Variants in PALLD observed in about 807,000 individuals in gnomAD.
PALLD encodes palladin, cytoskeletal associated protein.
A neutral mutation model predicts 123.5 loss-of-function variants in PALLD; 61 were observed. The ratio of observed to expected loss-of-function variants is 0.49; its 90% CI spans 0.40 to 0.61. The LOEUF is 0.61. Among genes scored for constraint, PALLD ranks in the 20% least tolerant of loss-of-function variants. The probability of loss-of-function intolerance (pLI) is 0.00; values close to 1 mark genes in which losing one functional copy is unlikely to be tolerated. For synonymous variants in PALLD, 465 were observed against 496.4 expected, an observed-to-expected ratio of 0.94 and a Z score of 0.84; for missense variants, 1,273 against 1,377.0, an observed-to-expected ratio of 0.92 and a Z score of 1.20.
intron 10 of PALLD, among the ~76,000 whole-genome samples, chr4:168,800,713 C>T (rs1044893872): frequency 1.3e-5 from 2 of 152,096 alleles, no homozygotes; most frequent in Non-Finnish European, 2.9e-5. Context: ...ATTTGATAAA[C>T]TCAAAGTTAT....
chr4:168,808,279 G>C (rs938334160), intron 10 of PALLD, among the ~76,000 whole-genome samples: 7 of 151,688 alleles, frequency 4.6e-5, no homozygotes, highest in African/African-American at 1.7e-4. Flanking sequence ...AGGAGATCGA[G>C]ACCATCCTGG....
intron 10 of PALLD, among the ~76,000 whole-genome samples, chr4:168,852,102 C>A (rs1016022022): frequency 3.9e-5 from 6 of 152,172 alleles, no homozygotes; most frequent in Admixed American, 3.9e-4. Context: ...CGTAGCACAC[C>A]CCTTGCCCCA....
chr4:168,786,276 C>T (rs950422569), intron 10 of PALLD, among the ~76,000 whole-genome samples: 4 of 151,908 alleles, frequency 2.6e-5, no homozygotes, highest in Admixed American at 2.0e-4. Flanking sequence ...TGCAGTGAGC[C>T]GAGATCGCAC....
chr4:168,684,989 G>C (rs1330542338), intron 5 of PALLD, among the ~76,000 whole-genome samples: 4 of 151,838 alleles, frequency 2.6e-5, no homozygotes, highest in African/African-American at 9.7e-5. Context: ...TTTCTTTTTT[G>C]CACGTCAATA....
chr4:168,720,888 C>T (rs1785945121), intron 10 of PALLD, among the ~76,000 whole-genome samples: 1 of 152,134 alleles, frequency 6.6e-6, no homozygotes, highest in African/African-American at 2.4e-5. Flanking sequence ...TAGGTGCATT[C>T]ATCCTCATGA....
chr4:168,751,637 C>T (rs17054512), intron 10 of PALLD, among the ~76,000 whole-genome samples: 3,700 of 152,266 alleles, frequency 0.024, 97 homozygotes, highest in South Asian at 0.14. Context: ...CATTTCTTAA[C>T]ACAGTTCACA....
At chr4:168,852,048 C>T (rs552867223) in intron 10 of PALLD, among the ~76,000 whole-genome samples, 24 of 152,230 alleles carry the variant, frequency 1.6e-4, no homozygotes, top group African/African-American at 5.1e-4. Context: ...GAGTTGGAGA[C>T]GTAGACACTA....
At chr4:168,523,209 C>A (rs571727181) in intron 2 of PALLD, among the ~76,000 whole-genome samples, 2 of 89,942 alleles carry the variant, frequency 2.2e-5, no homozygotes, top group Non-Finnish European at 3.8e-5. Flanking sequence ...TCTTTGAGAA[C>A]GAGAAGAAAG....
At chr4:168,602,933 TAA>T (rs57326647) in intron 2 of PALLD, among the ~76,000 whole-genome samples, 160 of 148,698 alleles carry the variant, frequency 1.1e-3, no homozygotes, top group East Asian at 9.7e-3. Context: ...CCCAGCTAAT[TAA>T]AAAAAAAAAA....
At chr4:168,687,938 A>AGAAGCTCAGAGCCACTG (rs1037715391) in intron 6 of PALLD, among the ~76,000 whole-genome samples, 19 of 152,034 alleles carry the variant, frequency 1.2e-4, no homozygotes, top group Non-Finnish European at 2.5e-4. Flanking sequence ...CAGAGCCACT[A>AGAAGCTCAGAGCCACTG]GAAGCTCAGA....
rs561109915 is a variant in PALLD, at chr4:168,556,428, T to TGAA, written c.908+44027_908+44029dup. ...ACCTTTTAAAATAGGGACCAGAAGT[T>TGAA]GAAGAAGAAGAAGTGAAGAAAAAGG... On this transcript the variant is annotated intron_variant, in intron 2 of 21. Transcript: ENST00000505667. Among the ~76,000 whole-genome samples, 42 of 152,234 alleles carry TGAA rather than the reference T, an allele frequency of 2.8e-4. 1 individual carries two copies. The South Asian group carries it at 5.6e-3, about 20-fold the overall frequency.
intron 10 of PALLD, among the ~76,000 whole-genome samples, chr4:168,795,963 A>G (rs1405939450): frequency 6.6e-6 from 1 of 152,160 alleles, no homozygotes; most frequent in East Asian, 1.9e-4. Flanking sequence ...GTTTTGATAC[A>G]GGCATGCAAT....
rs146562219 is a variant in PALLD at position 168,893,452 on chromosome 4, T to G, written c.2101-1127T>G. On this transcript the variant is annotated intron_variant, in intron 11 of 21. Transcript: ENST00000505667. ...TTCACTTCCCGGTTTCAGCTGGGATTGAGATCAGCAATTACTGGAAATTGT... is the reference window on the plus strand; with the variant it reads ...TTCACTTCCCGGTTTCAGCTGGGATGGAGATCAGCAATTACTGGAAATTGT... Among the ~76,000 whole-genome samples, 27 of 152,340 alleles carry G rather than the reference T, an allele frequency of 1.8e-4. No individual in the cohort carries two copies. The East Asian group carries it at 4.2e-3, about 24-fold the overall frequency.
At chr4:168,920,223 A>G (rs1001476232) in intron 17 of PALLD, among the ~76,000 whole-genome samples, 2 of 152,218 alleles carry the variant, frequency 1.3e-5, no homozygotes, top group African/African-American at 4.8e-5. Flanking sequence ...AGGAGAACAC[A>G]GAGCCTGAGT....
chr4:168,570,690 T>C (rs2149606901), intron 2 of PALLD, among the ~76,000 whole-genome samples: 1 of 152,272 alleles, frequency 6.6e-6, no homozygotes, highest in African/African-American at 2.4e-5. Flanking sequence ...CCAAAAGCAT[T>C]ATCCATTAAG....
intron 10 of PALLD, among the ~76,000 whole-genome samples, chr4:168,775,336 A>G (rs1287710666): frequency 1.3e-5 from 2 of 152,190 alleles, no homozygotes; most frequent in African/African-American, 2.4e-5. Flanking sequence ...CCATCTGTAT[A>G]TCTACCTTGG....
chr4:168,711,486 C>A, intron 9 of PALLD, 95 bp from the exon 10 acceptor site: 1 of 922,566 alleles, frequency 1.1e-6, no homozygotes, highest in Non-Finnish European at 1.8e-6. Context: ...CAACTTCACA[C>A]AACACAGGGA....
At chr4:168,926,157 A>T in intron 21 of PALLD, 56 bp from the exon 22 acceptor site, 1 of 1,353,546 alleles carries the variant, frequency 7.4e-7, no homozygotes, top group Non-Finnish European at 9.9e-7. Context: ...GAAATATCTA[A>T]AGGCTTTCCA....
chr4:168,669,633 A>G (rs1384591285), intron 3 of PALLD, among the ~76,000 whole-genome samples: 1 of 152,098 alleles, frequency 6.6e-6, no homozygotes, highest in African/African-American at 2.4e-5. Context: ...ATAAAAAGTA[A>G]CGATTACTGA....
Sources: gnomAD v4.1 joint callset for allele counts (sites outside exome capture counted in the v4.1 genomes callset) on GRCh38, gnomAD v4.1.1 for gene constraint, MANE v1.5 for transcripts, NCBI Gene and HGNC (gene_info 2026-07-23, HGNC 2026-07-21) for gene names.